The following NTM variants were observed in gnomAD, a reference collection of about 807,000 sequenced individuals.
NTM encodes the protein neurotrimin.
Under a neutral mutation model 42.1 loss-of-function variants are expected in NTM, and 13 were observed. The ratio of observed to expected loss-of-function variants is 0.31; its 90% confidence interval spans 0.20 to 0.49. The LOEUF (loss-of-function observed/expected upper bound fraction) is 0.49, where lower values mean the gene tolerates loss of function less well. NTM is among the 20% of genes least tolerant of loss of function. NTM has a pLI of 0.99. For synonymous variants in NTM, 187 were observed against 179.2 expected (o/e 1.04, Z -0.35); for missense variants, 373 against 452.8 (o/e 0.82, Z 1.60).
At chr11:131,466,312 G>A (rs1423911104) in intron 1 of NTM, among the ~76,000 whole-genome samples, 1 of 152,178 alleles carries the variant, frequency 6.6e-6, no homozygotes, top group African/African-American at 2.4e-5. Context: ...CTTCTTAAGG[G>A]TCAGGCCTCG....
At chr11:131,449,633 C>T (rs189305468) in intron 1 of NTM, among the ~76,000 whole-genome samples, 20 of 152,388 alleles carry the variant, frequency 1.3e-4, no homozygotes, top group Admixed American at 6.5e-4. Context: ...ACCCTCTCTT[C>T]TAATTCCTCC....
At chr11:131,921,659 A>G (rs1592880260) in intron 2 of NTM, among the ~76,000 whole-genome samples, 1 of 152,184 alleles carries the variant, frequency 6.6e-6, no homozygotes, top group East Asian at 1.9e-4. Flanking sequence ...AGGCCTGGTT[A>G]GATCACCCAG....
chr11:132,317,653 A>T, intron 7 of NTM: 1 of 1,303,224 alleles, frequency 7.7e-7, no homozygotes, highest in Non-Finnish European at 1.0e-6. Context: ...CAACCGATTT[A>T]GAACTAAATG....
At chr11:131,771,878 GA>G (rs2086154608) in intron 1 of NTM, among the ~76,000 whole-genome samples, 1 of 152,190 alleles carries the variant, frequency 6.6e-6, no homozygotes, top group Admixed American at 6.5e-5. Flanking sequence ...AAGTCTGGAT[GA>G]AACATGACAA....
intron 1 of NTM, among the ~76,000 whole-genome samples, chr11:131,623,105 G>A (rs189793039): frequency 1.4e-3 from 218 of 152,324 alleles, no homozygotes; most frequent in African/African-American, 4.8e-3. Context: ...TCTCTATACC[G>A]GAGTTTTACT....
chr11:132,070,501 G>A (rs532972172), intron 2 of NTM, among the ~76,000 whole-genome samples: 1 of 112,314 alleles, frequency 8.9e-6, no homozygotes, highest in Admixed American at 8.6e-5. Flanking sequence ...ACCGTCACAG[G>A]TTAGTTAACA....
intron 7 of NTM, chr11:132,317,537 C>T: frequency 7.0e-6 from 3 of 427,644 alleles, no homozygotes; most frequent in Non-Finnish European, 7.9e-6. Context: ...TTATATAATC[C>T]CCCAGAAATG....
At chr11:131,551,097 C>G (rs2054604403) in intron 1 of NTM, among the ~76,000 whole-genome samples, 1 of 152,154 alleles carries the variant, frequency 6.6e-6, no homozygotes, top group Admixed American at 6.5e-5. Context: ...ACTTGAGCTC[C>G]TAGGCTCAAG....
chr11:131,474,608 T>G (rs963985964), intron 1 of NTM, among the ~76,000 whole-genome samples: 12 of 152,160 alleles, frequency 7.9e-5, no homozygotes, highest in Non-Finnish European at 1.8e-4. Context: ...TTTCTTGATT[T>G]GTAGCATCTC....
At chr11:132,332,483 C>G (rs914150077) in intron 8 of NTM, 7 of 152,130 alleles carry the variant, frequency 4.6e-5, no homozygotes, top group Admixed American at 3.3e-4. Flanking sequence ...ACTTGGTGGC[C>G]TTTTTCTGTC....
At chr11:132,244,294 G>T (rs946702487) in intron 4 of NTM, among the ~76,000 whole-genome samples, 2 of 152,324 alleles carry the variant, frequency 1.3e-5, no homozygotes, top group Admixed American at 1.3e-4. Flanking sequence ...ACCCCTGGAA[G>T]AATGCAGCTA....
intron 4 of NTM, among the ~76,000 whole-genome samples, chr11:132,246,772 C>T (rs373881662): frequency 3.3e-5 from 5 of 152,100 alleles, no homozygotes; most frequent in African/African-American, 4.8e-5. Flanking sequence ...GTATGTCGGC[C>T]GTCCTTTCAC....
intron 2 of NTM, among the ~76,000 whole-genome samples, chr11:132,065,013 C>T (rs879315089): frequency 2.6e-5 from 4 of 152,162 alleles, no homozygotes; most frequent in Non-Finnish European, 5.9e-5. Context: ...TCACATTTGC[C>T]TCTGCTCTCA....
intron 2 of NTM, among the ~76,000 whole-genome samples, chr11:131,968,752 A>G (rs74701608): frequency 0.017 from 2,639 of 152,184 alleles, 71 homozygotes; most frequent in African/African-American, 0.061. Flanking sequence ...TCACTTTTAT[A>G]ATTCACACAT....
chr11:131,685,991 C>A (rs1364022982), intron 1 of NTM, among the ~76,000 whole-genome samples: 1 of 152,222 alleles, frequency 6.6e-6, no homozygotes, highest in East Asian at 1.9e-4. Flanking sequence ...GTTGGCCCTG[C>A]CTCCCAGGAT....
At chr11:131,408,617 A>G (rs1946064276) in intron 1 of NTM, among the ~76,000 whole-genome samples, 1 of 152,170 alleles carries the variant, frequency 6.6e-6, no homozygotes, top group African/African-American at 2.4e-5. Flanking sequence ...GGTATCAACC[A>G]GTTTGTTTTC....
intron 3 of NTM, among the ~76,000 whole-genome samples, chr11:132,202,521 T>C (rs565254699): frequency 6.6e-6 from 1 of 152,288 alleles, no homozygotes; most frequent in East Asian, 1.9e-4. Context: ...GTCCACATCA[T>C]GATCACTGAT....
chr11:132,010,985 C>T (rs2072042488), intron 2 of NTM, among the ~76,000 whole-genome samples: 1 of 151,344 alleles, frequency 6.6e-6, no homozygotes, highest in Non-Finnish European at 1.5e-5. Flanking sequence ...ATGAAAGTGA[C>T]CTGATATTTA....
intron 1 of NTM, among the ~76,000 whole-genome samples, chr11:131,580,055 G>A (rs896430279): frequency 6.6e-6 from 1 of 152,148 alleles, no homozygotes; most frequent in African/African-American, 2.4e-5. Flanking sequence ...GAGCCTGCAG[G>A]GAGGGCTGCG....
Sources: allele counts gnomAD v4.1 joint callset (sites outside exome capture counted in the v4.1 genomes callset), GRCh38; gene constraint gnomAD v4.1.1; transcripts MANE v1.5; gene names NCBI Gene and HGNC (gene_info 2026-07-23, HGNC 2026-07-21).